The following DSCAM variants were observed in gnomAD, a reference collection of about 807,000 sequenced individuals.
DSCAM encodes the protein DS cell adhesion molecule.
In DSCAM, 47 loss-of-function variants were observed where a neutral mutation model predicts 217.7. The ratio of observed to expected loss-of-function variants is 0.22; its 90% CI spans 0.17 to 0.28. The LOEUF is 0.28. Among genes scored for constraint, DSCAM ranks in the 10% least tolerant of loss-of-function variants. The probability of loss-of-function intolerance (pLI) is 1.00; values close to 1 mark genes in which losing one functional copy is unlikely to be tolerated. For synonymous variants in DSCAM, 1,056 were observed against 1,015.3 expected, an observed-to-expected ratio of 1.04 and a Z score of -0.76; for missense variants, 2,080 against 2,618.3, an observed-to-expected ratio of 0.79 and a Z score of 4.49.
At chr21:40,559,856 G>C (rs1051243435) in intron 3 of DSCAM, among the ~76,000 whole-genome samples, 6 of 142,396 alleles carry the variant, frequency 4.2e-5, no homozygotes, top group Admixed American at 7.4e-5. Context: ...GCAGTGGCGC[G>C]ATCTCGGCTC....
At chr21:40,407,488 T>G (rs1382020962) in intron 3 of DSCAM, among the ~76,000 whole-genome samples, 1 of 152,138 alleles carries the variant, frequency 6.6e-6, no homozygotes, top group Non-Finnish European at 1.5e-5. Context: ...TCCTGGGAGA[T>G]TCAAGGTGAC....
intron 3 of DSCAM, among the ~76,000 whole-genome samples, chr21:40,673,769 T>C (rs1040924193): frequency 6.6e-6 from 1 of 152,144 alleles, no homozygotes; most frequent in Non-Finnish European, 1.5e-5. Context: ...CTTGCTTCTG[T>C]TTTTACCATG....
At chr21:40,617,419 C>T (rs1007123900) in intron 3 of DSCAM, among the ~76,000 whole-genome samples, 2 of 152,148 alleles carry the variant, frequency 1.3e-5, no homozygotes, top group African/African-American at 2.4e-5. Context: ...CCACCGCGCC[C>T]GGCCCAGAAT....
intron 11 of DSCAM, among the ~76,000 whole-genome samples, chr21:40,257,725 C>T (rs899068002): frequency 8.5e-5 from 13 of 152,128 alleles, no homozygotes; most frequent in African/African-American, 3.1e-4. Flanking sequence ...TAAAAGACAA[C>T]TCAGGACTTC....
At chr21:40,133,617 C>CAA (rs67478168) in intron 19 of DSCAM, among the ~76,000 whole-genome samples, 8 of 149,328 alleles carry the variant, frequency 5.4e-5, no homozygotes, top group East Asian at 3.9e-4. Context: ...AAACAAAAAA[C>CAA]AAAAAAAAAG....
At chr21:40,317,248 A>G (rs891147941) in intron 8 of DSCAM, among the ~76,000 whole-genome samples, 1 of 152,222 alleles carries the variant, frequency 6.6e-6, no homozygotes. Context: ...CAATTCTGCT[A>G]CTTAACAACA....
chr21:40,572,053 G>C (rs1050941845), intron 3 of DSCAM, among the ~76,000 whole-genome samples: 1 of 151,350 alleles, frequency 6.6e-6, no homozygotes, highest in Non-Finnish European at 1.5e-5. Context: ...CCAAGCACTT[G>C]GGATAAGGGA....
chr21:40,260,895 A>G (rs1029882642), intron 11 of DSCAM, among the ~76,000 whole-genome samples: 1 of 152,236 alleles, frequency 6.6e-6, no homozygotes, highest in African/African-American at 2.4e-5. Context: ...AGCCCCCGAC[A>G]TCCAGGAGCT....
At chr21:40,445,204 C>T (rs2075664676) in intron 3 of DSCAM, among the ~76,000 whole-genome samples, 1 of 152,142 alleles carries the variant, frequency 6.6e-6, no homozygotes, top group Non-Finnish European at 1.5e-5. Flanking sequence ...AAGGCTCTAC[C>T]TCTTAATATT....
intron 17 of DSCAM, 105 bp from the exon 18 acceptor site, chr21:40,142,809 T>C: frequency 2.2e-6 from 3 of 1,336,326 alleles, no homozygotes; most frequent in Non-Finnish European, 3.0e-6. Flanking sequence ...AAGCAAAAAA[T>C]TGCACTCAAC....
At chr21:40,400,721 G>A (rs1263214492) in intron 3 of DSCAM, among the ~76,000 whole-genome samples, 3 of 152,096 alleles carry the variant, frequency 2.0e-5, no homozygotes, top group African/African-American at 7.2e-5. Flanking sequence ...CTGGCCTTCT[G>A]GGGTAATTTC....
chr21:40,810,676 A>T (rs562072213), intron 1 of DSCAM, among the ~76,000 whole-genome samples: 74 of 152,306 alleles, frequency 4.9e-4, no homozygotes, highest in Non-Finnish European at 5.7e-4. Flanking sequence ...TAAGGCAGGA[A>T]GATTGCTTGA....
chr21:40,156,058 T>C (rs1278221543), intron 16 of DSCAM, among the ~76,000 whole-genome samples: 1 of 59,930 alleles, frequency 1.7e-5, no homozygotes, highest in Non-Finnish European at 3.5e-5. Flanking sequence ...CCACCCTATA[T>C]ATAATATAAT....
At position 40,052,094 on chromosome 21, in the gene DSCAM, C is replaced by T. The variant is rs530348291; in HGVS notation, c.5049G>A (p.Thr1683=). Residue 1683 remains threonine (T), a synonymous_variant, in exon 30 of 33, where the codon ACG becomes ACA. Coordinates refer to ENST00000400454, the MANE Select transcript of DSCAM (RefSeq NM_001389.5). Reference sequence around the variant, plus strand: ...CAAAGTCAGCATCCGTCAACAGAACCGTGGAGCGATCATCTACAGGATGGC... The same window carrying T: ...CAAAGTCAGCATCCGTCAACAGAACTGTGGAGCGATCATCTACAGGATGGC... ...DTMETIDDRS[T]VLLTDADFGE... The T allele has an allele frequency of 1.4e-5, 23 of 1,613,878 alleles. No homozygotes were observed. Among genetic ancestry groups the T allele is most frequent in the African/African-American group, 5.3e-5 (4 of 74,984 alleles).
intron 3 of DSCAM, among the ~76,000 whole-genome samples, chr21:40,661,175 T>C (rs2090135646): frequency 6.6e-6 from 1 of 152,214 alleles, no homozygotes; most frequent in Admixed American, 6.5e-5. Flanking sequence ...CACGATATCA[T>C]TTATATGCAT....
chr21:40,512,867 T>C (rs1018637457), intron 3 of DSCAM, among the ~76,000 whole-genome samples: 1 of 152,022 alleles, frequency 6.6e-6, no homozygotes, highest in African/African-American at 2.4e-5. Flanking sequence ...GCTTCGACGC[T>C]TGCCCATTTC....
chr21:40,659,058 G>C (rs2090107577), intron 3 of DSCAM, among the ~76,000 whole-genome samples: 1 of 152,088 alleles, frequency 6.6e-6, no homozygotes, highest in African/African-American at 2.4e-5. Flanking sequence ...GGGATACCAG[G>C]ATTGCAGGGC....
intron 3 of DSCAM, among the ~76,000 whole-genome samples, chr21:40,456,612 A>G (rs1278449835): frequency 6.6e-6 from 1 of 152,082 alleles, no homozygotes; most frequent in Non-Finnish European, 1.5e-5. Context: ...GTTCAAAGGT[A>G]AAGTCGATTG....
chr21:40,210,146 C>A (rs1227083158), intron 11 of DSCAM, among the ~76,000 whole-genome samples: 1 of 152,118 alleles, frequency 6.6e-6, no homozygotes, highest in Non-Finnish European at 1.5e-5. Context: ...CCAGGTATGA[C>A]TGGCTGGCAC....
Sources: allele counts gnomAD v4.1 joint callset (sites outside exome capture counted in the v4.1 genomes callset), GRCh38; gene constraint gnomAD v4.1.1; transcripts MANE v1.5; gene names NCBI Gene and HGNC (gene_info 2026-07-23, HGNC 2026-07-21).